The following HIPK1 variants were observed in gnomAD, a reference collection of about 807,000 sequenced individuals.
HIPK1 encodes homeodomain interacting protein kinase 1, also known as homeodomain-interacting protein kinase 1.
In HIPK1, 28 loss-of-function variants were observed where a neutral mutation model predicts 117.1. The ratio of observed to expected loss-of-function variants is 0.24; its 90% CI spans 0.18 to 0.33. HIPK1 has a LOEUF of 0.33. Ranked by LOEUF, HIPK1 falls within the 10% of genes least tolerant of loss-of-function variation. The pLI is 1.00. For missense variants in HIPK1, 1,122 were observed against 1,475.1 expected, an observed-to-expected ratio of 0.76 and a Z score of 3.92; for synonymous variants, 605 against 562.5, an observed-to-expected ratio of 1.08 and a Z score of -1.07.
chr1:113,937,736 G>A (rs1279638517), intron 1 of HIPK1, among the ~76,000 whole-genome samples: 1 of 152,122 alleles, frequency 6.6e-6, no homozygotes, highest in Non-Finnish European at 1.5e-5. Flanking sequence ...GGAATGCATG[G>A]TGGGGGCAGG....
Position 113,973,310 on chromosome 1 carries a change from C to A in HIPK1, c.3431C>A (p.Ala1144Asp). Residue 1144 changes from alanine (A) to aspartate (D), a missense_variant, in exon 16 of 16, where the codon GCC becomes GAC. Ala to Asp is a moderately radical substitution (Grantham distance 126). Coordinates refer to ENST00000426820, the MANE Select transcript of HIPK1 (RefSeq NM_198268.3). ...SPQGSSRHAA[A>D]YTTHPSTLVH... is the part of the protein sequence containing the mutation. ...CAGGGTTCCTCAAGGCATGCTGCAG[C>A]CTATACCACTCACCCTAGCACTTTG... The A allele has an allele frequency of 3.1e-6, 5 of 1,614,176 alleles. No individual in the cohort carries two copies. The highest frequency in any genetic ancestry group is 4.2e-6 in the Non-Finnish European group (5 of 1,180,016).
Position 113,977,821 on chromosome 1 carries a change from TTC to T in HIPK1, c.*4311_*4312del, listed in dbSNP as rs1673219301. On this transcript the variant is annotated 3_prime_UTR_variant, in exon 16 of 16. Coordinates refer to ENST00000426820, the MANE Select transcript of HIPK1 (RefSeq NM_198268.3). ...TCTGACTTATGTGGCTGTTTTTGACTTCTGTTATAGGATATAAAGGGGATCAA... is the reference window on the plus strand; with the variant it reads ...TCTGACTTATGTGGCTGTTTTTGACTTGTTATAGGATATAAAGGGGATCAA... 6.5e-6 allele frequency: 1 copy of T among 152,770 alleles called. No homozygotes were observed. The highest frequency in any genetic ancestry group is 2.1e-4 in the South Asian group (1 of 4,834). 9.5% of individuals were successfully genotyped at this position (152,770 alleles called of 1,614,324 possible).
At chr1:113,954,814 T>G in intron 4 of HIPK1, 44 bp downstream of exon 4, 1 of 1,524,768 alleles carries the variant, frequency 6.6e-7, no homozygotes, top group Non-Finnish European at 9.0e-7. Context: ...ACTCCACCCC[T>G]CACTCCCCAA....
intron 1 of HIPK1, among the ~76,000 whole-genome samples, chr1:113,932,547 A>G (rs1403239490): frequency 6.6e-6 from 1 of 151,498 alleles, no homozygotes; most frequent in African/African-American, 2.4e-5. Flanking sequence ...CCTGGCTAAT[A>G]TTTGTATTTT....
intron 1 of HIPK1, among the ~76,000 whole-genome samples, chr1:113,938,195 C>T (rs974263504): frequency 6.7e-6 from 1 of 150,194 alleles, no homozygotes; most frequent in Non-Finnish European, 1.5e-5. Context: ...GTCTTGAACT[C>T]GTGGACTCAA....
intron 13 of HIPK1, among the ~76,000 whole-genome samples, chr1:113,969,533 A>C (rs1672680696): frequency 6.6e-6 from 1 of 152,128 alleles, no homozygotes; most frequent in Admixed American, 6.5e-5. Flanking sequence ...ACTGCTGCTA[A>C]TATTACTATT....
Position 113,973,554 on chromosome 1 carries a change from T to C in HIPK1, c.*42T>C, listed in dbSNP as rs759681107. 3.9e-6 allele frequency: 6 copies of C among 1,536,640 alleles called. No homozygotes were observed. Among genetic ancestry groups the C allele is most frequent in the Non-Finnish European group, 3.5e-6 (4 of 1,139,814 alleles). Reference sequence around the variant, plus strand: ...AGGAGGAATCATGGCTACCTTCTCCTGGCCCTGCGTTCTTAATATTGGGCT... The same window carrying C: ...AGGAGGAATCATGGCTACCTTCTCCCGGCCCTGCGTTCTTAATATTGGGCT... On this transcript the variant is annotated 3_prime_UTR_variant, in exon 16 of 16. Coordinates refer to ENST00000426820, the MANE Select transcript of HIPK1 (RefSeq NM_198268.3).
chr1:113,976,080 G>A lies in HIPK1; in HGVS notation c.*2568G>A, dbSNP rs1378342410. The A allele has an allele frequency of 6.5e-6, 1 of 152,798 alleles. No individual in the cohort carries two copies. Among genetic ancestry groups the A allele is most frequent in the Non-Finnish European group, 1.5e-5 (1 of 68,062 alleles). 9.5% of individuals were successfully genotyped at this position (152,798 alleles called of 1,614,324 possible). A position where few individuals can be genotyped will look rare whatever the true frequency, so the allele number is the denominator to read the frequency against. ...TGGTCAGCCAGCTCTGTACCAGGTT[G>A]AACACCGAGGAGCTGTCAAAGTATT... On this transcript the variant is annotated 3_prime_UTR_variant, in exon 16 of 16. Transcript: ENST00000426820.
Position 113,957,301 on chromosome 1 carries a change from A to C in HIPK1, c.1755+15A>C. On this transcript the variant is annotated intron_variant, in intron 7 of 15. Coordinates refer to ENST00000426820, the MANE Select transcript of HIPK1 (RefSeq NM_198268.3). ...TGCACAATCAGGTATTCAATAAATA[A>C]TTTTGGAAACTCAAGCTTAAGTGGG... The C allele has an allele frequency of 6.3e-7, 1 of 1,599,580 alleles. No individual in the cohort carries two copies. The highest frequency in any genetic ancestry group is 1.1e-5 in the South Asian group (1 of 90,034).
chr1:113,933,039 TA>T, intron 1 of HIPK1: 1 of 230,816 alleles, frequency 4.3e-6, no homozygotes, highest in Non-Finnish European at 7.1e-6. Flanking sequence ...TTCTTAATTC[TA>T]AGCTTTATAG....
intron 1 of HIPK1, chr1:113,930,009 G>C: frequency 1.0e-6 from 1 of 985,236 alleles, no homozygotes; most frequent in Non-Finnish European, 1.2e-6. Flanking sequence ...AGGCGGGGCC[G>C]GGCCGGCCGC....
chr1:113,949,494 G>A (rs1196632400), intron 2 of HIPK1, among the ~76,000 whole-genome samples: 1 of 152,056 alleles, frequency 6.6e-6, no homozygotes, highest in African/African-American at 2.4e-5. Flanking sequence ...TTGAAAACAT[G>A]CCATTATGGT....
chr1:113,952,298 TA>T (rs540619148), intron 2 of HIPK1, among the ~76,000 whole-genome samples: 6 of 151,808 alleles, frequency 4.0e-5, no homozygotes, highest in African/African-American at 1.5e-4. Context: ...GGAATAATAA[TA>T]AAAAAAATCT....
chr1:113,957,018 CT>C lies in HIPK1; in HGVS notation c.1593-105del, dbSNP rs770124926. Reference sequence around the variant, plus strand: ...TATACAAATTCTTGATTTATTTTATCTGAAAGTGATTGGGAAAAAAAGCTTT... The same window carrying C: ...TATACAAATTCTTGATTTATTTTATCGAAAGTGATTGGGAAAAAAAGCTTT... On this transcript the variant is annotated intron_variant, in intron 6 of 15. Transcript: ENST00000426820. 1.0e-4 allele frequency: 102 copies of C among 990,602 alleles called. 4 individuals carry two copies. In the East Asian group the frequency reaches 1.1e-3, roughly 11 times the overall value. 61.4% of individuals were successfully genotyped at this position (990,602 alleles called of 1,614,324 possible).
In HIPK1 at chr1:113,941,506, C is replaced by A; in HGVS notation, c.1076+47C>A. On this transcript the variant is annotated intron_variant, in intron 2 of 15. Coordinates refer to ENST00000426820, the MANE Select transcript of HIPK1 (RefSeq NM_198268.3). The surrounding 1 kb of genome is among the most constrained non-coding windows in gnomAD (Gnocchi z 4.9). Reference sequence around the variant, plus strand: ...TCGTATCTTAGGCTAGAGTTCTGTCCTTATATTTAACATATACCCCGTAGG... The same window carrying A: ...TCGTATCTTAGGCTAGAGTTCTGTCATTATATTTAACATATACCCCGTAGG... The A allele has an allele frequency of 1.4e-6, 2 of 1,461,614 alleles. No individual in the cohort carries two copies. Among genetic ancestry groups the A allele is most frequent in the Non-Finnish European group, 1.9e-6 (2 of 1,062,420 alleles). 90.5% of individuals were successfully genotyped at this position (1,461,614 alleles called of 1,614,324 possible). A position where few individuals can be genotyped will look rare whatever the true frequency, so the allele number is the denominator to read the frequency against.
chr1:113,962,982 T>C (rs1354755337), intron 9 of HIPK1, among the ~76,000 whole-genome samples: 1 of 152,224 alleles, frequency 6.6e-6, no homozygotes, highest in Non-Finnish European at 1.5e-5. Context: ...ACTAAGATGA[T>C]AGAGAAAATT....
At position 113,933,166 on chromosome 1, in the gene HIPK1, A is replaced by G. The variant is rs1670012545; in HGVS notation, c.-3+3634A>G. 3.0e-6 allele frequency: 3 copies of G among 984,778 alleles called. No homozygotes were observed. The African/African-American group carries it at 5.2e-5, about 17-fold the overall frequency. The allele number at this position is 984,778 out of a possible 1,614,324, so 61.0% of individuals were successfully genotyped here. A position where few individuals can be genotyped will look rare whatever the true frequency, so the allele number is the denominator to read the frequency against. On this transcript the variant is annotated intron_variant, in intron 1 of 15. Transcript: ENST00000426820. ...CATTCCAAATAAATCTAAGTGAACTATTGATTTTGATACAAAGCAACAGCC... is the reference window on the plus strand; with the variant it reads ...CATTCCAAATAAATCTAAGTGAACTGTTGATTTTGATACAAAGCAACAGCC...
Position 113,975,414 on chromosome 1 carries a change from G to A in HIPK1, c.*1902G>A, listed in dbSNP as rs544023128. 3.3e-5 allele frequency: 5 copies of A among 152,846 alleles called. No individual in the cohort carries two copies. Among genetic ancestry groups the A allele is most frequent in the East Asian group, 1.9e-4 (1 of 5,326 alleles). The allele number at this position is 152,846 out of a possible 1,614,324, so 9.5% of individuals were successfully genotyped here. On this transcript the variant is annotated 3_prime_UTR_variant, in exon 16 of 16. Transcript: ENST00000426820. ...TCCCCATGTGGCTCTCTCACTGTGCGTTGCTACCTTGCTTCTGTGAGAATT... is the reference window on the plus strand; with the variant it reads ...TCCCCATGTGGCTCTCTCACTGTGCATTGCTACCTTGCTTCTGTGAGAATT...
Position 113,968,423 on chromosome 1 carries a change from A to T in HIPK1, c.2565-19A>T. 1 of 1,579,772 alleles carries T rather than the reference A, an allele frequency of 6.3e-7. No individual in the cohort carries two copies. Among genetic ancestry groups the T allele is most frequent in the Non-Finnish European group, 8.7e-7 (1 of 1,148,692 alleles). ...AGGCCAAGGACTGAATCATCTTTCC[A>T]TGTGAACTTTTCCTACAGGTCCTCT... On this transcript the variant is annotated intron_variant, in intron 12 of 15. Transcript: ENST00000426820.
Sources: allele counts gnomAD v4.1 joint callset (sites outside exome capture counted in the v4.1 genomes callset), GRCh38; gene constraint gnomAD v4.1.1; non-coding constraint Gnocchi (gnomAD v3.1); transcripts MANE v1.5; gene names NCBI Gene and HGNC (gene_info 2026-07-23, HGNC 2026-07-21).